Variants in RBL2 observed in about 807,000 individuals in gnomAD.
The protein encoded by RBL2 is retinoblastoma-like protein 2.
RBL2 carries 56 observed loss-of-function variants against 126.0 expected under a neutral mutation model. That is an observed-to-expected ratio of 0.44 (90% CI 0.36 to 0.56). The LOEUF is 0.56. Ranked by LOEUF, RBL2 falls within the 20% of genes least tolerant of loss-of-function variation. RBL2 has a pLI of 0.00. For missense variants in RBL2, 1,229 were observed against 1,398.2 expected (o/e 0.88, Z 1.93); for synonymous variants, 454 against 478.5 (o/e 0.95, Z 0.67).
At position 53,454,844 on chromosome 16, in the gene RBL2, T is replaced by A. The variant is rs1555566125; in HGVS notation, c.1179+2T>A. 6.2e-7 allele frequency: 1 copy of A among 1,604,704 alleles called. No homozygotes were observed. Among genetic ancestry groups the A allele is most frequent in the Non-Finnish European group, 8.5e-7 (1 of 1,174,230 alleles). On this transcript the variant is annotated splice_donor_variant, in intron 8 of 21. Transcript: ENST00000262133. LOFTEE classifies it high-confidence loss of function. Reference sequence around the variant, plus strand: ...ATCTTACAGCAGCATTTTGACAAGGTGAGTTTAGCCATGCCAGAAGAGTAG... The same window carrying A: ...ATCTTACAGCAGCATTTTGACAAGGAGAGTTTAGCCATGCCAGAAGAGTAG...
Position 53,481,656 on chromosome 16 carries a change from T to C in RBL2, c.3085-15T>C, listed in dbSNP as rs1960951723. On this transcript the variant is annotated splice_polypyrimidine_tract_variant and intron_variant, in intron 20 of 21. Coordinates refer to ENST00000262133, the MANE Select transcript of RBL2 (RefSeq NM_005611.4). ...ATTTTTTTCTTAGAATTACTGATTT[T>C]TTTTTTTTAAACAGATGGATGCTCC... 1 of 1,529,700 alleles carries C rather than the reference T, an allele frequency of 6.5e-7. No homozygotes were observed. The allele number at this position is 1,529,700 out of a possible 1,614,324, so 94.8% of individuals were successfully genotyped here.
intron 13 of RBL2, 24 bp downstream of exon 13, chr16:53,465,626 A>G: frequency 1.3e-6 from 2 of 1,506,374 alleles, no homozygotes; most frequent in East Asian, 2.4e-5. Flanking sequence ...ACATCTTTTT[A>G]TGAGAAAAAT....
At chr16:53,478,767 A>G (rs942830911) in intron 17 of RBL2, among the ~76,000 whole-genome samples, 4 of 152,006 alleles carry the variant, frequency 2.6e-5, no homozygotes, top group Non-Finnish European at 5.9e-5. Context: ...GATTACAGGC[A>G]TGTGCCACCA....
chr16:53,475,835 C>CTTTTTTTTTTTTTTTTTTTT (rs10540773), intron 17 of RBL2, among the ~76,000 whole-genome samples: 1 of 76,452 alleles, frequency 1.3e-5, no homozygotes. Flanking sequence ...ATTTCAATAT[C>CTTTTTTTTTTTTTTTTTTTT]TTTTTTTTTT....
intron 13 of RBL2, among the ~76,000 whole-genome samples, chr16:53,466,527 G>T (rs2058273930): frequency 6.6e-6 from 1 of 151,592 alleles, no homozygotes; most frequent in Non-Finnish European, 1.5e-5. Context: ...GGGGCGGTGG[G>T]AGACAGTGAC....
chr16:53,435,484 G>T, intron 1 of RBL2: 3 of 937,782 alleles, frequency 3.2e-6, no homozygotes, highest in South Asian at 3.5e-5. Context: ...TTGTTGTTGC[G>T]ATCCGGGTGT....
chr16:53,481,638 T>C (rs1201170254), intron 20 of RBL2, 33 bp from the exon 21 acceptor site: 12 of 1,470,020 alleles, frequency 8.2e-6, no homozygotes, highest in Non-Finnish European at 1.1e-5. Flanking sequence ...TAAATTTTTT[T>C]CTTAGAATTA....
intron 3 of RBL2, among the ~76,000 whole-genome samples, chr16:53,446,583 C>T (rs2153139601): frequency 6.6e-6 from 1 of 152,156 alleles, no homozygotes; most frequent in Non-Finnish European, 1.5e-5. Context: ...TTATAGGAAG[C>T]TCATAATTTA....
chr16:53,482,978 C>T (rs1410400058), intron 21 of RBL2, among the ~76,000 whole-genome samples: 4 of 152,136 alleles, frequency 2.6e-5, no homozygotes, highest in Admixed American at 6.5e-5. Context: ...CATAGGAAAA[C>T]GTTGCTATAA....
Position 53,453,496 on chromosome 16 carries a change from G to C in RBL2, c.811G>C (p.Asp271His). Residue 271 changes from aspartate (D) to histidine (H), a missense_variant, in exon 6 of 22, where the codon GAC becomes CAC. By Grantham distance (81) the Asp-to-His change is moderately conservative. Around this residue, in one of 2 missense-constraint regions of RBL2, gnomAD observed 1,070 missense variants for 1,274.3 expected, o/e 0.84. Transcript: ENST00000262133. The stretch of plus-strand genomic sequence containing the variant: ...TGCTAAAGATTCTAAACCTTCCTCT[G>C]ACCCCCCTTGTATCATTGAGAAACT... ...FHAKDSKPSS[D>H]PPCIIEKLCS... is the part of the protein sequence containing the mutation. 1 of 1,613,220 alleles carries C rather than the reference G, an allele frequency of 6.2e-7. No homozygotes were observed. Among genetic ancestry groups the C allele is most frequent in the Non-Finnish European group, 8.5e-7 (1 of 1,179,454 alleles).
chr16:53,469,487 C>G (rs575808956), intron 14 of RBL2, among the ~76,000 whole-genome samples: 1 of 152,260 alleles, frequency 6.6e-6, no homozygotes, highest in South Asian at 2.1e-4. Flanking sequence ...GTCCCCTTAT[C>G]AAGTAGTGGC....
chr16:53,484,774 G>T (rs8046307), intron 21 of RBL2, among the ~76,000 whole-genome samples: 71,400 of 151,752 alleles, frequency 0.47, 17,405 homozygotes, highest in Middle Eastern at 0.61. Flanking sequence ...GGAACTCTGG[G>T]AACATACTAA....
At chr16:53,486,599 T>C (rs1961185654) in intron 21 of RBL2, among the ~76,000 whole-genome samples, 1 of 152,188 alleles carries the variant, frequency 6.6e-6, no homozygotes, top group Non-Finnish European at 1.5e-5. Flanking sequence ...CAACATTCAT[T>C]AATGTAAAAA....
chr16:53,442,175 G>A (rs1402514637), intron 2 of RBL2, among the ~76,000 whole-genome samples: 3 of 152,008 alleles, frequency 2.0e-5, no homozygotes, highest in Non-Finnish European at 2.9e-5. Context: ...GGCAGGAGGA[G>A]GTGGCTCACA....
Position 53,447,071 on chromosome 16 carries a change from T to C in RBL2, c.602T>C (p.Phe201Ser), listed in dbSNP as rs763613142. The change falls in exon 4 of 22, where the codon TTC becomes TCC. Residue 201 changes from phenylalanine to serine, a missense_variant. By Grantham distance (155) the Phe-to-Ser change is radical. Around this residue, in one of 2 missense-constraint regions of RBL2, gnomAD observed 1,070 missense variants for 1,274.3 expected, o/e 0.84. Coordinates refer to ENST00000262133, the MANE Select transcript of RBL2 (RefSeq NM_005611.4). ...RRQPCTVSEIFHFCWVLFIYA... is the reference protein window; with the variant it reads ...RRQPCTVSEISHFCWVLFIYA... Reference sequence around the variant, plus strand: ...CAGCCCTGTACTGTGTCTGAAATTTTCCATTTTTGTTGGGTGCTTTTTATA... The same window carrying C: ...CAGCCCTGTACTGTGTCTGAAATTTCCCATTTTTGTTGGGTGCTTTTTATA... 6.3e-7 allele frequency: 1 copy of C among 1,595,534 alleles called. No homozygotes were observed. Among genetic ancestry groups the C allele is most frequent in the South Asian group, 1.1e-5 (1 of 87,612 alleles).
intron 1 of RBL2, among the ~76,000 whole-genome samples, chr16:53,436,270 CG>C (rs1453308670): frequency 6.6e-6 from 1 of 152,038 alleles, no homozygotes; most frequent in Non-Finnish European, 1.5e-5. Context: ...CAAGCATTAT[CG>C]CCATTTATTT....
At chr16:53,471,753 G>A (rs1332460461) in intron 17 of RBL2, among the ~76,000 whole-genome samples, 2 of 152,146 alleles carry the variant, frequency 1.3e-5, no homozygotes, top group African/African-American at 2.4e-5. Flanking sequence ...ACAGGCATGA[G>A]CCACTGGGCC....
intron 17 of RBL2, among the ~76,000 whole-genome samples, chr16:53,475,980 C>T (rs562213437): frequency 5.9e-5 from 9 of 151,494 alleles, no homozygotes; most frequent in African/African-American, 2.2e-4. Flanking sequence ...CACAGCCGTG[C>T]ACCACCATGC....
intron 12 of RBL2, chr16:53,464,717 A>C (rs888660598): frequency 6.2e-6 from 1 of 162,118 alleles, no homozygotes; most frequent in African/African-American, 2.4e-5. Context: ...ATACCATTGA[A>C]AATGTCAGAA....
Sources: gnomAD v4.1 joint callset for allele counts (sites outside exome capture counted in the v4.1 genomes callset) on GRCh38, gnomAD v4.1.1 for gene constraint, gnomAD v4.1.1 regional missense constraint, MANE v1.5 for transcripts, NCBI Gene and HGNC (gene_info 2026-07-23, HGNC 2026-07-21) for gene names.